The following AFG2A variants were observed in gnomAD, a reference collection of about 807,000 sequenced individuals.
AFG2A encodes the protein AAA ATPase AFG2A.
chr4:123,220,988 C>G, the AFG2A span, among the ~76,000 whole-genome samples: 2 of 152,052 alleles, frequency 1.3e-5, no homozygotes, highest in African/African-American at 4.8e-5. Flanking sequence ...ATGTAGTATC[C>G]TATGTAGTGT....
chr4:123,160,108 C>T, the AFG2A span, among the ~76,000 whole-genome samples: 10 of 151,714 alleles, frequency 6.6e-5, no homozygotes, highest in African/African-American at 2.2e-4. Context: ...TCTATTTTAC[C>T]AAGTTGTGCT....
the AFG2A span, among the ~76,000 whole-genome samples, chr4:123,063,782 A>G: frequency 6.6e-6 from 1 of 152,176 alleles, no homozygotes; most frequent in Non-Finnish European, 1.5e-5. Context: ...TCAAGAATTT[A>G]GTTTCTAAAT....
the AFG2A span, among the ~76,000 whole-genome samples, chr4:123,053,579 T>A: frequency 1.3e-5 from 2 of 152,198 alleles, no homozygotes; most frequent in South Asian, 4.1e-4. Context: ...GGGGGTCTGG[T>A]ACTGAGACTG....
chr4:122,951,041 C>T, the AFG2A span, among the ~76,000 whole-genome samples: 3 of 152,242 alleles, frequency 2.0e-5, no homozygotes, highest in East Asian at 1.9e-4. Flanking sequence ...CTTGAGGAGA[C>T]GAATGCAGGT....
chr4:123,028,275 C>A, the AFG2A span: 1 of 1,614,164 alleles, frequency 6.2e-7, no homozygotes, highest in Non-Finnish European at 8.5e-7. Context: ...CAGAGTCTTT[C>A]ATTCGAATGG....
At chr4:123,300,012 C>T in the AFG2A span, among the ~76,000 whole-genome samples, 1 of 152,088 alleles carries the variant, frequency 6.6e-6, no homozygotes, top group Non-Finnish European at 1.5e-5. Flanking sequence ...TTTATTACAG[C>T]CTTTCTCATA....
the AFG2A span, among the ~76,000 whole-genome samples, chr4:123,207,057 A>G: frequency 6.6e-6 from 1 of 152,154 alleles, no homozygotes; most frequent in East Asian, 1.9e-4. Flanking sequence ...CATGGAAGCA[A>G]TGAATCTTTT....
the AFG2A span, chr4:122,933,301 A>T: frequency 1.5e-6 from 1 of 667,812 alleles, no homozygotes; most frequent in Non-Finnish European, 2.5e-6. Flanking sequence ...AATTGTATAC[A>T]TTATTTATTT....
At chr4:122,949,729 C>T in the AFG2A span, among the ~76,000 whole-genome samples, 3 of 152,274 alleles carry the variant, frequency 2.0e-5, no homozygotes, top group African/African-American at 7.2e-5. Flanking sequence ...TGGACTGGCT[C>T]CCCTCTGTAA....
chr4:123,080,897 A>T, the AFG2A span, among the ~76,000 whole-genome samples: 22 of 151,984 alleles, frequency 1.4e-4, no homozygotes, highest in East Asian at 4.3e-3. Context: ...TTTCTAATTG[A>T]CTGACATCAA....
the AFG2A span, among the ~76,000 whole-genome samples, chr4:123,265,974 G>T: frequency 6.6e-6 from 1 of 151,940 alleles, no homozygotes; most frequent in Non-Finnish European, 1.5e-5. Flanking sequence ...TGATAAAATG[G>T]AGGTGGGGGT....
At chr4:123,016,210 G>T in the AFG2A span, among the ~76,000 whole-genome samples, 1 of 136,570 alleles carries the variant, frequency 7.3e-6, no homozygotes, top group African/African-American at 2.8e-5. Context: ...CCGGGCAGGG[G>T]GCTGATCCCC....
At chr4:123,237,835 G>C in the AFG2A span, among the ~76,000 whole-genome samples, 3 of 152,144 alleles carry the variant, frequency 2.0e-5, no homozygotes, top group Admixed American at 6.5e-5. Flanking sequence ...TGGACAGTGG[G>C]TGCAGCCCAC....
chr4:123,102,522 A>C, the AFG2A span, among the ~76,000 whole-genome samples: 2 of 151,964 alleles, frequency 1.3e-5, no homozygotes, highest in African/African-American at 4.8e-5. Context: ...TTTTTTAATG[A>C]ATATGAATGT....
the AFG2A span, among the ~76,000 whole-genome samples, chr4:122,946,844 T>G: frequency 3.9e-5 from 6 of 152,292 alleles, no homozygotes; most frequent in East Asian, 1.2e-3. Context: ...GAATCCTGAC[T>G]TTCAAGTAGG....
At chr4:123,015,841 C>T in the AFG2A span, among the ~76,000 whole-genome samples, 2 of 40,142 alleles carry the variant, frequency 5.0e-5, no homozygotes, top group Non-Finnish European at 6.8e-5. Context: ...CCGGATGGGG[C>T]GGCTGGCCGG....
the AFG2A span, among the ~76,000 whole-genome samples, chr4:123,214,468 C>T: frequency 6.6e-6 from 1 of 151,930 alleles, no homozygotes; most frequent in South Asian, 2.1e-4. Flanking sequence ...CCTTTGAACA[C>T]CACAGGTTTG....
At chr4:123,102,798 CTG>C in the AFG2A span, among the ~76,000 whole-genome samples, 5,458 of 141,130 alleles carry the variant, frequency 0.039, 124 homozygotes, top group African/African-American at 0.054. Flanking sequence ...TCCTGGCATT[CTG>C]TGTGTGTGTG....
the AFG2A span, among the ~76,000 whole-genome samples, chr4:123,225,739 T>G: frequency 6.6e-6 from 1 of 152,224 alleles, no homozygotes. Flanking sequence ...TTTTTCCAAT[T>G]CTGTGAAGAA....
Sources: gnomAD v4.1 joint callset for allele counts (sites outside exome capture counted in the v4.1 genomes callset) on GRCh38, gnomAD v4.1.1 for gene constraint, MANE v1.5 for transcripts, NCBI Gene and HGNC (gene_info 2026-07-23, HGNC 2026-07-21) for gene names.